Variants in PIGV observed in about 807,000 individuals in gnomAD.
PIGV encodes the protein phosphatidylinositol glycan anchor biosynthesis class V.
PIGV carries 27 observed loss-of-function variants against 39.2 expected under a neutral mutation model. The ratio of observed to expected loss-of-function variants is 0.69; its 90% CI spans 0.51 to 0.95. PIGV has a LOEUF of 0.95. PIGV is among the 40% of genes least tolerant of loss of function. The pLI is 0.00. For missense variants in PIGV, 523 were observed against 586.4 expected (o/e 0.89, Z 1.12); for synonymous variants, 232 against 241.7 (o/e 0.96, Z 0.37).
In PIGV at chr1:26,799,777, G is replaced by A. The variant is rs1040154482; in HGVS notation, c.*1933G>A. 6.6e-6 allele frequency among the ~76,000 whole-genome samples: 1 copy of A among 152,194 alleles called. No homozygotes were observed. The highest frequency in any genetic ancestry group is 2.4e-5 in the African/African-American group (1 of 41,452). ...AGGGCAGCCCTCTGCCTTCTGCCAA[G>A]ACACCAAGTGCCCTTCTTGGCAAAC... On this transcript the variant is annotated 3_prime_UTR_variant, in exon 4 of 4. Coordinates refer to ENST00000674202, the MANE Select transcript of PIGV (RefSeq NM_017837.4).
rs764422244 is a variant in PIGV, at chr1:26,795,033, A to C, written c.999A>C (p.Pro333=). Residue 333 remains proline, a synonymous_variant, in exon 3 of 4, where the codon CCA becomes CCC. Coordinates refer to ENST00000674202, the MANE Select transcript of PIGV (RefSeq NM_017837.4). ...KQVPNFLLAA[P]VAILVAWATW... is the part of the protein sequence containing the mutation. ...TGCCCAATTTTCTACTGGCTGCACCAGTGGCTATACTGGTTGCCTGGGCAA... is the reference window on the plus strand; with the variant it reads ...TGCCCAATTTTCTACTGGCTGCACCCGTGGCTATACTGGTTGCCTGGGCAA... The C allele has an allele frequency of 1.7e-5, 27 of 1,614,100 alleles. No homozygotes were observed. Among genetic ancestry groups the C allele is most frequent in the Non-Finnish European group, 2.2e-5 (26 of 1,180,044 alleles).
chr1:26,798,556 C>G lies in PIGV; in HGVS notation c.*712C>G, dbSNP rs2081416033. ...CAAAACCCCGTCTCTACTAAAAATACAAAAATTAGCCGTGCATGATGGTAC... is the reference window on the plus strand; with the variant it reads ...CAAAACCCCGTCTCTACTAAAAATAGAAAAATTAGCCGTGCATGATGGTAC... On this transcript the variant is annotated 3_prime_UTR_variant, in exon 4 of 4. Transcript: ENST00000674202. 6.6e-6 allele frequency among the ~76,000 whole-genome samples: 1 copy of G among 152,076 alleles called. No individual in the cohort carries two copies. The highest frequency in any genetic ancestry group is 2.4e-5 in the African/African-American group (1 of 41,416).
rs888988239 is a variant in PIGV at position 26,799,316 on chromosome 1, G to T, written c.*1472G>T. Among the ~76,000 whole-genome samples, 4 of 152,204 alleles carry T rather than the reference G, an allele frequency of 2.6e-5. No homozygotes were observed. Among genetic ancestry groups the T allele is most frequent in the Non-Finnish European group, 5.9e-5 (4 of 68,030 alleles). On this transcript the variant is annotated 3_prime_UTR_variant, in exon 4 of 4. Coordinates refer to ENST00000674202, the MANE Select transcript of PIGV (RefSeq NM_017837.4). ...CGTAAGTCCAAGGTGGAATGAAATG[G>T]TATCTGCCCTGCTTCCTGGCCCCCG...
chr1:26,791,424 G>C (rs746744585), intron 2 of PIGV, among the ~76,000 whole-genome samples: 1 of 152,126 alleles, frequency 6.6e-6, no homozygotes, highest in East Asian at 1.9e-4. Flanking sequence ...GCACTTGCCC[G>C]TTTGCAGCTC....
chr1:26,792,823 T>A (rs752075262), intron 2 of PIGV, among the ~76,000 whole-genome samples: 6 of 152,226 alleles, frequency 3.9e-5, no homozygotes, highest in Non-Finnish European at 7.3e-5. Flanking sequence ...TCCTGGTGAT[T>A]TCATTATTAA....
rs375667563 is a variant in PIGV at position 26,799,212 on chromosome 1, C to G, written c.*1368C>G. Reference sequence around the variant, plus strand: ...CTGGCAGATAAGGTGCCTGTTGTGCCGTTCTCAGATGCCTGCTTACTTGAT... The same window carrying G: ...CTGGCAGATAAGGTGCCTGTTGTGCGGTTCTCAGATGCCTGCTTACTTGAT... On this transcript the variant is annotated 3_prime_UTR_variant, in exon 4 of 4. Transcript: ENST00000674202. Among the ~76,000 whole-genome samples, 23 of 152,238 alleles carry G rather than the reference C, an allele frequency of 1.5e-4. No individual in the cohort carries two copies. In the East Asian group the frequency reaches 4.2e-3, roughly 28 times the overall value.
chr1:26,798,241 A>G lies in PIGV; in HGVS notation c.*397A>G, dbSNP rs2081411671. 1 of 309,032 alleles carries G rather than the reference A, an allele frequency of 3.2e-6. No homozygotes were observed. Among genetic ancestry groups the G allele is most frequent in the Non-Finnish European group, 6.3e-6 (1 of 158,880 alleles). 19.1% of individuals were successfully genotyped at this position (309,032 alleles called of 1,614,324 possible). On this transcript the variant is annotated 3_prime_UTR_variant, in exon 4 of 4. Coordinates refer to ENST00000674202, the MANE Select transcript of PIGV (RefSeq NM_017837.4). Reference sequence around the variant, plus strand: ...ACAGGCTGGTAACAGTCCACACAAGATGGTATAGGCCTGAACAGTGTAGTG... The same window carrying G: ...ACAGGCTGGTAACAGTCCACACAAGGTGGTATAGGCCTGAACAGTGTAGTG...
chr1:26,790,306 C>G (rs1041932995), intron 1 of PIGV, among the ~76,000 whole-genome samples: 1 of 152,072 alleles, frequency 6.6e-6, no homozygotes, highest in Non-Finnish European at 1.5e-5. Flanking sequence ...TAATAGCAAC[C>G]ACAACACAGA....
rs568561377 is a variant in PIGV at position 26,790,749 on chromosome 1, T to G, written c.-57-10T>G. 3.9e-6 allele frequency: 5 copies of G among 1,271,220 alleles called. No homozygotes were observed. The East Asian group carries it at 1.2e-4, about 29-fold the overall frequency. 78.7% of individuals were successfully genotyped at this position (1,271,220 alleles called of 1,614,324 possible). ...CTCGATGTGTGACATTTTCCTCCTT[T>G]GGGGTTTAGAGGCCTGAGGGAGCTC... On this transcript the variant is annotated splice_polypyrimidine_tract_variant and intron_variant, in intron 1 of 3. Coordinates refer to ENST00000674202, the MANE Select transcript of PIGV (RefSeq NM_017837.4).
chr1:26,794,116 C>T lies in PIGV; in HGVS notation c.82C>T (p.Leu28Phe), dbSNP rs976215465. Residue 28 changes from leucine to phenylalanine, a missense_variant, in exon 3 of 4, where the codon CTC becomes TTC. Transcript: ENST00000674202. ...CTGGTTTTTCTTTACTCCACAGGCC[C>T]TCTTCAATGCCATCATCCCAGATCA... Reference protein sequence around the residue: ...CRILTLMLQALFNAIIPDHHA... With the variant: ...CRILTLMLQAFFNAIIPDHHA... The T allele has an allele frequency of 6.2e-7, 1 of 1,614,098 alleles. No homozygotes were observed. Among genetic ancestry groups the T allele is most frequent in the Non-Finnish European group, 8.5e-7 (1 of 1,180,024 alleles).
Position 26,794,744 on chromosome 1 carries a change from T to C in PIGV, c.710T>C (p.Leu237Pro). The C allele has an allele frequency of 6.2e-7, 1 of 1,614,238 alleles. No homozygotes were observed. The highest frequency in any genetic ancestry group is 8.5e-7 in the Non-Finnish European group (1 of 1,180,046). The stretch of plus-strand genomic sequence containing the variant: ...AATCCTCTGAGACAGCTCTTTAAGC[T>C]GATGGCCTCTCTGTTTCTGTCGGTG... ...MLNPLRQLFK[L>P]MASLFLSVFT... The change falls in exon 3 of 4, where the codon CTG (leucine) becomes CCG (proline). Residue 237 changes from leucine (L) to proline (P), a missense_variant. Physicochemically the swap from Leu to Pro is moderately conservative, Grantham distance 98 (BLOSUM62 -3). Transcript: ENST00000674202.
Position 26,794,838 on chromosome 1 carries a change from A to G in PIGV, c.804A>G (p.Ser268=), listed in dbSNP as rs745595984. 5.6e-6 allele frequency: 9 copies of G among 1,613,836 alleles called. No homozygotes were observed. In the African/African-American group the frequency reaches 1.2e-4, roughly 22 times the overall value. Residue 268 remains serine, a synonymous_variant, in exon 3 of 4, where the codon TCA becomes TCG. Transcript: ENST00000674202. ...ACACCCAATTCTGTCTGCCAGGCTC[A>G]GCCCGCCCCATTCCTGAGCCTTTGG... The part of the protein sequence containing the change: ...YAYTQFCLPG[S]ARPIPEPLVQ...
At chr1:26,787,086 T>G (rs1255436987), upstream of PIGV, among the ~76,000 whole-genome samples, 1 of 152,168 alleles carries the variant, frequency 6.6e-6, no homozygotes, top group Non-Finnish European at 1.5e-5. Flanking sequence ...TGGCTTCGTT[T>G]GGAGGGCAGA....
chr1:26,794,847 C>T lies in PIGV; in HGVS notation c.813C>T (p.Pro271=), dbSNP rs768138658. 3 of 1,613,980 alleles carry T rather than the reference C, an allele frequency of 1.9e-6. No homozygotes were observed. Among genetic ancestry groups the T allele is most frequent in the South Asian group, 2.2e-5 (2 of 91,086 alleles). Residue 271 remains proline, a synonymous_variant, in exon 3 of 4, where the codon CCC becomes CCT. Coordinates refer to ENST00000674202, the MANE Select transcript of PIGV (RefSeq NM_017837.4). ...TQFCLPGSAR[P]IPEPLVQLAV... ...TCTGTCTGCCAGGCTCAGCCCGCCC[C>T]ATTCCTGAGCCTTTGGTACAGTTAG...
In PIGV at chr1:26,794,199, C is replaced by T. The variant is rs2081348576; in HGVS notation, c.165C>T (p.Leu55=). 5 of 1,614,084 alleles carry T rather than the reference C, an allele frequency of 3.1e-6. No individual in the cohort carries two copies. The highest frequency in any genetic ancestry group is 1.3e-5 in the African/African-American group (1 of 74,912). ...CCCCCTCAGGCTTTGTGGACCAACT[C>T]GTGGAAGGTCTTCTGGGCGGCCTGT... ...RLAPSGFVDQ[L]VEGLLGGLSH... is the part of the protein sequence containing the mutation. The change falls in exon 3 of 4, where the codon CTC becomes CTT. Residue 55 remains leucine (L), a synonymous_variant. Transcript: ENST00000674202.
intron 1 of PIGV, among the ~76,000 whole-genome samples, chr1:26,789,449 C>T (rs780107746): frequency 3.3e-5 from 5 of 152,210 alleles, no homozygotes; most frequent in Admixed American, 6.5e-5. Flanking sequence ...TTGCTCTTGA[C>T]ATGAGATATG....
At chr1:26,796,452 G>A (rs1435090107) in intron 3 of PIGV, among the ~76,000 whole-genome samples, 2 of 152,164 alleles carry the variant, frequency 1.3e-5, no homozygotes, top group Non-Finnish European at 2.9e-5. Context: ...ATAGGCACGA[G>A]CCACTGCGCC....
intron 3 of PIGV, among the ~76,000 whole-genome samples, chr1:26,796,171 T>C (rs2081381835): frequency 6.7e-6 from 1 of 148,372 alleles, no homozygotes; most frequent in East Asian, 2.0e-4. Flanking sequence ...GAGATTTTTT[T>C]TTTTTTTTTT....
In PIGV at chr1:26,796,460, G is replaced by A. The variant is rs571572922; in HGVS notation, c.1201-1103G>A. 5.3e-5 allele frequency among the ~76,000 whole-genome samples: 8 copies of A among 152,188 alleles called. No homozygotes were observed. The East Asian group carries it at 5.8e-4, about 11-fold the overall frequency. ...TGGGATTATAGGCACGAGCCACTGC[G>A]CCCAGCAAGATTTTTTTTTTTAAAG... On this transcript the variant is annotated intron_variant, in intron 3 of 3. Coordinates refer to ENST00000674202, the MANE Select transcript of PIGV (RefSeq NM_017837.4).
Sources: gnomAD v4.1 joint callset for allele counts (sites outside exome capture counted in the v4.1 genomes callset) on GRCh38, gnomAD v4.1.1 for gene constraint, MANE v1.5 for transcripts, NCBI Gene and HGNC (gene_info 2026-07-23, HGNC 2026-07-21) for gene names.